The following NFAT5 variants were observed in gnomAD, a reference collection of about 807,000 sequenced individuals.
The protein encoded by NFAT5 is nuclear factor of activated T-cells 5.
Under a neutral mutation model 166.5 loss-of-function variants are expected in NFAT5, and 31 were observed. The observed-to-expected ratio is 0.19, with a 90% CI of 0.14 to 0.25. The LOEUF (loss-of-function observed/expected upper bound fraction) is 0.25. Among genes scored for constraint, NFAT5 ranks in the 10% least tolerant of loss-of-function variants. The pLI is 1.00. For missense variants in NFAT5, 1,449 were observed against 1,821.8 expected, an observed-to-expected ratio of 0.80 and a Z score of 3.72; for synonymous variants, 612 against 639.7, an observed-to-expected ratio of 0.96 and a Z score of 0.65.
At chr16:69,669,744 T>C (rs1567593178) in intron 7 of NFAT5, among the ~76,000 whole-genome samples, 1 of 152,200 alleles carries the variant, frequency 6.6e-6, no homozygotes, top group Non-Finnish European at 1.5e-5. Flanking sequence ...AAACTTTCAC[T>C]TGGACTTGGC....
rs2037839051 is a variant in NFAT5 at position 69,698,718 on chromosome 16, T to C, written c.*2367T>C. The C allele has an allele frequency of 6.6e-6, 1 of 152,626 alleles. No homozygotes were observed. The highest frequency in any genetic ancestry group is 1.5e-5 in the Non-Finnish European group (1 of 68,038). The allele number at this position is 152,626 out of a possible 1,614,324, so 9.5% of individuals were successfully genotyped here. Reference sequence around the variant, plus strand: ...AATGGTGTTTCACAAGAATGAGCCATTCAGTCTTTGCTCACTATATATTTA... The same window carrying C: ...AATGGTGTTTCACAAGAATGAGCCACTCAGTCTTTGCTCACTATATATTTA... On this transcript the variant is annotated 3_prime_UTR_variant, in exon 15 of 15. Coordinates refer to ENST00000349945, the MANE Select transcript of NFAT5 (RefSeq NM_138713.4).
chr16:69,590,435 G>A (rs1237952585), intron 2 of NFAT5, among the ~76,000 whole-genome samples: 1 of 152,188 alleles, frequency 6.6e-6, no homozygotes, highest in African/African-American at 2.4e-5. Flanking sequence ...GTGATTTAAA[G>A]TATAAGGCAG....
At position 69,647,044 on chromosome 16, in the gene NFAT5, C is replaced by T; in HGVS notation, c.270C>T (p.Pro90=). 1.3e-6 allele frequency: 2 copies of T among 1,585,068 alleles called. No individual in the cohort carries two copies. The highest frequency in any genetic ancestry group is 8.6e-7 in the Non-Finnish European group (1 of 1,162,384). ...ACACTGCAGATGCTTCTTCAGCTCCCTCCTCTTCCTCCATGGGCGGTGCTT... is the reference window on the plus strand; with the variant it reads ...ACACTGCAGATGCTTCTTCAGCTCCTTCCTCTTCCTCCATGGGCGGTGCTT... The part of the protein sequence containing the change: ...AVVAADASSA[P]SSSSMGGACS... Residue 90 remains proline (P), a synonymous_variant, in exon 4 of 15, where the codon CCC becomes CCT. Transcript: ENST00000349945. This position sits in a 1 kb window ranked among gnomAD's most constrained non-coding sequence, Gnocchi z 4.8.
chr16:69,692,228 C>T lies in NFAT5; in HGVS notation c.2403C>T (p.Phe801=). The T allele has an allele frequency of 6.2e-7, 1 of 1,614,162 alleles. No homozygotes were observed. The highest frequency in any genetic ancestry group is 1.1e-5 in the South Asian group (1 of 91,070). Residue 801 remains phenylalanine, a synonymous_variant, in exon 13 of 15, where the codon TTC becomes TTT. Coordinates refer to ENST00000349945, the MANE Select transcript of NFAT5 (RefSeq NM_138713.4). The part of the protein sequence containing the change: ...NTIQQLQAGS[F]TGSTASGSSG... ...TTCAGCAGCTGCAAGCAGGGAGTTT[C>T]ACAGGCAGTACTGCTAGTGGCAGCA...
chr16:69,592,430 TTTG>T lies in NFAT5; in HGVS notation c.127+23891_127+23893del, dbSNP rs900632831. ...GGTACTTAGTTGTCACTGATTTTTT[TTTG>T]TTGTTGTTCAAAAATTATTATAGTA... On this transcript the variant is annotated intron_variant, in intron 2 of 14. Transcript: ENST00000349945. Among the ~76,000 whole-genome samples, 31 of 152,242 alleles carry T rather than the reference TTTG, an allele frequency of 2.0e-4. 1 individual carries two copies. In the South Asian group the frequency reaches 2.3e-3, roughly 11 times the overall value.
In NFAT5 at chr16:69,697,939, C is replaced by CTTTTTTTTTTTT. The variant is rs199818366; in HGVS notation, c.*1594_*1605dup. The stretch of plus-strand genomic sequence containing the variant: ...AATTGTTGAAGGCTACTTTTCTGTT[C>CTTTTTTTTTTTT]TTTTTTTTTTTTTTTTTCTATCCTG... On this transcript the variant is annotated 3_prime_UTR_variant, in exon 15 of 15. Coordinates refer to ENST00000349945, the MANE Select transcript of NFAT5 (RefSeq NM_138713.4). 3 of 131,452 alleles carry CTTTTTTTTTTTT rather than the reference C, an allele frequency of 2.3e-5. No homozygotes were observed. Among genetic ancestry groups the CTTTTTTTTTTTT allele is most frequent in the East Asian group, 4.3e-4 (2 of 4,674 alleles). The allele number at this position is 131,452 out of a possible 1,614,324, so 8.1% of individuals were successfully genotyped here.
chr16:69,569,086 G>A (rs2016279636), intron 2 of NFAT5, among the ~76,000 whole-genome samples: 2 of 152,134 alleles, frequency 1.3e-5, no homozygotes, highest in Non-Finnish European at 2.9e-5. Context: ...GAAAGTTCTG[G>A]AAATGTTAAT....
chr16:69,632,982 A>G (rs8047298), intron 3 of NFAT5, among the ~76,000 whole-genome samples: 2,840 of 152,286 alleles, frequency 0.019, 89 homozygotes, highest in African/African-American at 0.065. Flanking sequence ...AAATTTAAAT[A>G]CATACACTTA....
intron 2 of NFAT5, 149 bp downstream of exon 2, chr16:69,568,697 A>C: frequency 1.9e-6 from 1 of 536,018 alleles, no homozygotes; most frequent in East Asian, 3.3e-5. Context: ...GAGCAGCTGA[A>C]TGTTTCAATG....
intron 10 of NFAT5, 86 bp downstream of exon 10, chr16:69,677,421 AAAG>A (rs2036872090): frequency 7.8e-6 from 9 of 1,150,330 alleles, no homozygotes; most frequent in Non-Finnish European, 1.1e-5. Context: ...AGCCAACCAA[AAAG>A]AAAGTTGCTC....
intron 7 of NFAT5, among the ~76,000 whole-genome samples, chr16:69,667,145 G>A (rs1450706340): frequency 7.1e-5 from 10 of 140,972 alleles, no homozygotes; most frequent in African/African-American, 2.6e-4. Context: ...ACACAGGAAG[G>A]GGAACATCAC....
rs377471401 is a variant in NFAT5, at chr16:69,692,083, C to G, written c.2258C>G (p.Thr753Ser). 4 of 1,614,126 alleles carry G rather than the reference C, an allele frequency of 2.5e-6. No individual in the cohort carries two copies. Among genetic ancestry groups the G allele is most frequent in the Non-Finnish European group, 3.4e-6 (4 of 1,180,026 alleles). Residue 753 changes from threonine (T) to serine (S), a missense_variant, in exon 13 of 15, where the codon ACT becomes AGT. By Grantham distance (58) the Thr-to-Ser change is moderately conservative. Transcript: ENST00000349945. ...DGTVVNLSQL[T>S]EASQQQQQSP... The stretch of plus-strand genomic sequence containing the variant: ...ACAGTGGTTAATTTGTCACAACTGA[C>G]TGAGGCATCACAACAACAGCAGCAG...
intron 2 of NFAT5, among the ~76,000 whole-genome samples, chr16:69,588,186 G>T (rs1215496415): frequency 6.6e-6 from 1 of 151,980 alleles, no homozygotes; most frequent in Non-Finnish European, 1.5e-5. Context: ...TGCTGACCTC[G>T]TGATCCACCT....
In NFAT5 at chr16:69,697,166, C is replaced by A. The variant is rs2037789988; in HGVS notation, c.*815C>A. 1 of 152,598 alleles carries A rather than the reference C, an allele frequency of 6.6e-6. No individual in the cohort carries two copies. Among genetic ancestry groups the A allele is most frequent in the Non-Finnish European group, 1.5e-5 (1 of 68,018 alleles). 9.5% of individuals were successfully genotyped at this position (152,598 alleles called of 1,614,324 possible). On this transcript the variant is annotated 3_prime_UTR_variant, in exon 15 of 15. Transcript: ENST00000349945. ...GACAGAAAAATTTGAATGTTTTCTT[C>A]TTAACCCAGTCTTAGGCTGGTATTC...
At chr16:69,600,068 TGTA>T (rs2033042000) in intron 2 of NFAT5, among the ~76,000 whole-genome samples, 16 of 151,694 alleles carry the variant, frequency 1.1e-4, no homozygotes, top group Admixed American at 1.1e-3. Context: ...AGATCAGGAT[TGTA>T]GTATTGGAGG....
At chr16:69,599,402 C>T in intron 2 of NFAT5, among the ~76,000 whole-genome samples, 1 of 152,004 alleles carries the variant, frequency 6.6e-6, no homozygotes, top group East Asian at 1.9e-4. Flanking sequence ...TATGGTGAAA[C>T]CCTGTCTCTC....
chr16:69,570,019 CAT>C (rs1445802081), intron 2 of NFAT5, among the ~76,000 whole-genome samples: 2 of 151,980 alleles, frequency 1.3e-5, no homozygotes, highest in Non-Finnish European at 2.9e-5. Context: ...GTGTCATAAT[CAT>C]AGAGATGATC....
Position 69,677,202 on chromosome 16 carries a change from G to T in NFAT5, c.1558-1G>T. On this transcript the variant is annotated splice_acceptor_variant, in intron 9 of 14. Transcript: ENST00000349945. LOFTEE classifies it high-confidence loss of function. ...AACTCTTGTGCTTTTCTTTACATTA[G>T]AATCATCTTATTGTGAAGGTTCCTC... The T allele has an allele frequency of 6.3e-7, 1 of 1,598,814 alleles. No individual in the cohort carries two copies.
At chr16:69,637,198 C>T (rs1345816417) in intron 3 of NFAT5, among the ~76,000 whole-genome samples, 1 of 152,188 alleles carries the variant, frequency 6.6e-6, no homozygotes, top group African/African-American at 2.4e-5. Context: ...AGTTCTTTAT[C>T]TCCATCAGAG....
Sources: gnomAD v4.1 joint callset for allele counts (sites outside exome capture counted in the v4.1 genomes callset) on GRCh38, gnomAD v4.1.1 for gene constraint, Gnocchi (gnomAD v3.1) non-coding constraint, MANE v1.5 for transcripts, NCBI Gene and HGNC (gene_info 2026-07-23, HGNC 2026-07-21) for gene names.